Variants in PDE4D observed in about 807,000 individuals in gnomAD.
PDE4D encodes the protein phosphodiesterase 4D.
A neutral mutation model predicts 87.4 loss-of-function variants in PDE4D; 24 were observed. The ratio of observed to expected loss-of-function variants is 0.27; its 90% CI spans 0.20 to 0.39. The LOEUF (loss-of-function observed/expected upper bound fraction) is 0.39. Ranked by LOEUF, PDE4D falls within the 10% of genes least tolerant of loss-of-function variation. PDE4D has a pLI of 1.00. For synonymous variants in PDE4D, 384 were observed against 383.2 expected (o/e 1.00, Z -0.02); for missense variants, 714 against 1,041.0 (o/e 0.69, Z 4.32).
intron 1 of PDE4D, among the ~76,000 whole-genome samples, chr5:60,377,534 G>A (rs546036780): frequency 7.9e-5 from 12 of 152,256 alleles, no homozygotes; most frequent in African/African-American, 2.6e-4. Flanking sequence ...GGCCAACTCA[G>A]GCCTCGATAA....
intron 1 of PDE4D, among the ~76,000 whole-genome samples, chr5:60,383,862 A>T (rs1045690368): frequency 6.6e-6 from 1 of 152,204 alleles, no homozygotes; most frequent in Non-Finnish European, 1.5e-5. Flanking sequence ...TTAACTTCTG[A>T]AAAAAAGTTG....
At chr5:59,422,486 C>G (rs889400064) in intron 1 of PDE4D, among the ~76,000 whole-genome samples, 2 of 152,066 alleles carry the variant, frequency 1.3e-5, no homozygotes, top group African/African-American at 2.4e-5. Flanking sequence ...TCAGCATTCG[C>G]CACTTCATTT....
intron 1 of PDE4D, among the ~76,000 whole-genome samples, chr5:59,797,852 A>G (rs548654842): frequency 1.4e-4 from 22 of 152,168 alleles, no homozygotes; most frequent in Non-Finnish European, 2.5e-4. Flanking sequence ...ACAGAATAGG[A>G]ACTGAATTCC....
At chr5:59,875,409 C>A (rs949940586) in intron 1 of PDE4D, among the ~76,000 whole-genome samples, 1 of 130,262 alleles carries the variant, frequency 7.7e-6, no homozygotes, top group Non-Finnish European at 1.6e-5. Flanking sequence ...TGCAGTGAGC[C>A]GAGATTGCGC....
At chr5:59,563,334 G>C (rs147584856) in intron 1 of PDE4D, among the ~76,000 whole-genome samples, 1 of 152,224 alleles carries the variant, frequency 6.6e-6, no homozygotes, top group Non-Finnish European at 1.5e-5. Context: ...AGGACTCATT[G>C]ATAGAAAGAG....
chr5:60,468,126 C>CTTTCTTT (rs1252947749), intron 1 of PDE4D, among the ~76,000 whole-genome samples: 1 of 110,120 alleles, frequency 9.1e-6, no homozygotes, highest in Non-Finnish European at 1.8e-5. Context: ...TCCTAACTTT[C>CTTTCTTT]TTTCTTTTTT....
chr5:59,319,143 TGA>T (rs1308822225), intron 1 of PDE4D, among the ~76,000 whole-genome samples: 7 of 143,986 alleles, frequency 4.9e-5, no homozygotes, highest in Non-Finnish European at 1.1e-4. Flanking sequence ...ATTTCAAATA[TGA>T]GAGAGTACAT....
chr5:59,622,107 C>T (rs58244062), intron 1 of PDE4D, among the ~76,000 whole-genome samples: 40,126 of 151,932 alleles, frequency 0.26, 6,419 homozygotes, highest in South Asian at 0.42. Context: ...TCACTGGACC[C>T]CAAGTTCAAA....
intron 2 of PDE4D, among the ~76,000 whole-genome samples, chr5:60,032,306 T>G (rs767741390): frequency 6.6e-6 from 1 of 152,202 alleles, no homozygotes; most frequent in African/African-American, 2.4e-5. Context: ...TCAATGTGTA[T>G]AGTCACACTG....
chr5:59,365,303 A>G (rs532908242), intron 1 of PDE4D, among the ~76,000 whole-genome samples: 11 of 152,124 alleles, frequency 7.2e-5, no homozygotes, highest in African/African-American at 2.7e-4. Context: ...TACAAAAAAG[A>G]GAAAAGTTAG....
At chr5:59,368,667 A>G (rs1783469138) in intron 1 of PDE4D, among the ~76,000 whole-genome samples, 3 of 152,192 alleles carry the variant, frequency 2.0e-5, no homozygotes, top group African/African-American at 7.2e-5. Flanking sequence ...ATATGATACA[A>G]TGTATGCAGG....
chr5:59,626,082 C>T (rs187956182), intron 1 of PDE4D, among the ~76,000 whole-genome samples: 229 of 152,088 alleles, frequency 1.5e-3, no homozygotes, highest in African/African-American at 5.1e-3. Context: ...AGTGAGACTC[C>T]GTCTCAAAAA....
At chr5:59,432,707 C>G (rs1796282406) in intron 1 of PDE4D, among the ~76,000 whole-genome samples, 1 of 151,948 alleles carries the variant, frequency 6.6e-6, no homozygotes, top group South Asian at 2.1e-4. Flanking sequence ...TAAGGTGTCG[C>G]AAAAGTAAGA....
At chr5:59,304,778 T>A (rs890421960) in intron 1 of PDE4D, among the ~76,000 whole-genome samples, 1 of 152,190 alleles carries the variant, frequency 6.6e-6, no homozygotes, top group African/African-American at 2.4e-5. Context: ...CTTTTTGATA[T>A]GTTGTTGGAT....
chr5:60,498,710 C>T (rs1749933029), intron 1 of PDE4D, among the ~76,000 whole-genome samples: 1 of 152,152 alleles, frequency 6.6e-6, no homozygotes, highest in South Asian at 2.1e-4. Context: ...TACAATATCA[C>T]TTGTATAATC....
At chr5:60,508,952 T>TG (rs2150253359) in intron 1 of PDE4D, among the ~76,000 whole-genome samples, 1 of 152,114 alleles carries the variant, frequency 6.6e-6, no homozygotes, top group Non-Finnish European at 1.5e-5. Context: ...CAGGCTGGAG[T>TG]GCAGTGGCAT....
At chr5:60,375,392 T>C (rs1196019275) in intron 1 of PDE4D, among the ~76,000 whole-genome samples, 1 of 152,210 alleles carries the variant, frequency 6.6e-6, no homozygotes, top group Non-Finnish European at 1.5e-5. Context: ...GTGTTTTGCA[T>C]ATATTAATAT....
At chr5:59,292,269 A>G (rs1768184624) in intron 1 of PDE4D, among the ~76,000 whole-genome samples, 1 of 152,190 alleles carries the variant, frequency 6.6e-6, no homozygotes, top group Admixed American at 6.6e-5. Context: ...GTTATCTTAC[A>G]GCAACTATAA....
intron 5 of PDE4D, among the ~76,000 whole-genome samples, chr5:59,084,142 G>A (rs569643096): frequency 6.6e-6 from 1 of 151,900 alleles, no homozygotes; most frequent in Non-Finnish European, 1.5e-5. Context: ...TATAACATGG[G>A]GCTTTTTGTC....
Sources: allele counts gnomAD v4.1 joint callset (sites outside exome capture counted in the v4.1 genomes callset), GRCh38; gene constraint gnomAD v4.1.1; transcripts MANE v1.5; gene names NCBI Gene and HGNC (gene_info 2026-07-23, HGNC 2026-07-21).